AK9: variants seen among roughly 807,000 people sequenced by gnomAD.
AK9 encodes adenylate kinase 9, also known as adenylate kinase domain containing 1.
In AK9, 191 loss-of-function variants were observed where a neutral mutation model predicts 239.6. The ratio of observed to expected loss-of-function variants is 0.80; its 90% confidence interval spans 0.71 to 0.90. The LOEUF is 0.90. Ranked by LOEUF, AK9 falls within the 40% of genes least tolerant of loss-of-function variation. The pLI is 0.00. For synonymous variants in AK9, 689 were observed against 721.0 expected, an observed-to-expected ratio of 0.96 and a Z score of 0.71; for missense variants, 1,995 against 2,214.7, an observed-to-expected ratio of 0.90 and a Z score of 1.99.
chr6:109,632,573 T>C (rs1562521399), intron 12 of AK9: 3 of 276,106 alleles, frequency 1.1e-5, no homozygotes, highest in Admixed American at 5.4e-5. Flanking sequence ...AGTGATTATA[T>C]GGGGAGAGTG....
chr6:109,662,764 T>C, intron 5 of AK9, 101 bp from the exon 6 acceptor site: 2 of 468,042 alleles, frequency 4.3e-6, no homozygotes, highest in Non-Finnish European at 6.1e-6. Flanking sequence ...TATTACTTTA[T>C]ACTCATCTAT....
intron 17 of AK9, among the ~76,000 whole-genome samples, chr6:109,597,830 G>T (rs1213004008): frequency 6.6e-6 from 1 of 151,684 alleles, no homozygotes; most frequent in East Asian, 1.9e-4. Context: ...GAAAGGAAAG[G>T]AAAGAAAAAA....
intron 21 of AK9, among the ~76,000 whole-genome samples, chr6:109,569,683 T>C (rs1352982006): frequency 6.6e-6 from 1 of 152,192 alleles, no homozygotes; most frequent in Non-Finnish European, 1.5e-5. Flanking sequence ...GAAAAAATGC[T>C]CATTATTACT....
intron 19 of AK9, 100 bp from the exon 20 acceptor site, chr6:109,579,726 CTTA>C (rs920928720): frequency 1.5e-5 from 14 of 955,096 alleles, no homozygotes; most frequent in Middle Eastern, 2.6e-4. Context: ...AAGATTAAAT[CTTA>C]TTATACTTAC....
Position 109,619,841 on chromosome 6 carries a change from C to A in AK9, c.1255-605G>T, listed in dbSNP as rs544556531. Among the ~76,000 whole-genome samples the A allele has an allele frequency of 2.2e-4, 34 of 152,176 alleles. No individual in the cohort carries two copies. In the East Asian group the frequency reaches 5.6e-3, roughly 25 times the overall value. On this transcript the variant is annotated intron_variant, in intron 12 of 40. Transcript: ENST00000424296. ...CCTTCCCCAGCTTTCATTCCTGGCC[C>A]CTGGCAACTACTTTCTTTCTGTAGC...
At chr6:109,678,321 G>T (rs1222386431) in intron 1 of AK9, among the ~76,000 whole-genome samples, 3 of 152,082 alleles carry the variant, frequency 2.0e-5, no homozygotes, top group Non-Finnish European at 4.4e-5. Context: ...CAATCCCACA[G>T]TTTACATATT....
chr6:109,566,097 C>T (rs575974371), intron 21 of AK9, among the ~76,000 whole-genome samples: 1 of 151,812 alleles, frequency 6.6e-6, no homozygotes, highest in African/African-American at 2.4e-5. Flanking sequence ...AAGATCTAGC[C>T]TCAGTCTAGA....
intron 32 of AK9, 83 bp from the exon 33 acceptor site, chr6:109,509,463 G>A (rs1778462059): frequency 1.6e-6 from 2 of 1,216,442 alleles, no homozygotes; most frequent in Non-Finnish European, 2.3e-6. Context: ...TGGGTATATT[G>A]TGTGATGCTC....
chr6:109,601,336 C>T (rs1481324276), intron 17 of AK9, among the ~76,000 whole-genome samples: 1 of 152,044 alleles, frequency 6.6e-6, no homozygotes, highest in Non-Finnish European at 1.5e-5. Flanking sequence ...CGTTATGTAC[C>T]CAGTAGTCAT....
chr6:109,537,621 C>G (rs867372750), intron 27 of AK9, among the ~76,000 whole-genome samples: 2 of 150,204 alleles, frequency 1.3e-5, no homozygotes, highest in Admixed American at 1.3e-4. Flanking sequence ...CTGACCTGAT[C>G]TTAGTTATTT....
intron 27 of AK9, among the ~76,000 whole-genome samples, chr6:109,537,718 G>A (rs1273895516): frequency 6.6e-6 from 1 of 151,688 alleles, no homozygotes; most frequent in African/African-American, 2.4e-5. Context: ...TTTAGATCTT[G>A]CCTGCTTTCT....
intron 17 of AK9, among the ~76,000 whole-genome samples, chr6:109,595,312 T>A (rs1371352886): frequency 6.6e-6 from 1 of 152,136 alleles, no homozygotes; most frequent in African/African-American, 2.4e-5. Context: ...TAAGATACCA[T>A]CTCACGCCAG....
intron 8 of AK9, among the ~76,000 whole-genome samples, chr6:109,649,716 C>T (rs922340236): frequency 2.6e-5 from 4 of 152,124 alleles, no homozygotes; most frequent in African/African-American, 9.7e-5. Flanking sequence ...ACTTTCTTCA[C>T]AGAATTGGAA....
chr6:109,520,748 T>C (rs1779776020), intron 29 of AK9, among the ~76,000 whole-genome samples: 3 of 152,196 alleles, frequency 2.0e-5, no homozygotes, highest in Admixed American at 2.0e-4. Flanking sequence ...TATGAAATGT[T>C]TTTTCATTTG....
chr6:109,562,842 A>G (rs764940099), intron 24 of AK9, among the ~76,000 whole-genome samples: 4 of 152,124 alleles, frequency 2.6e-5, no homozygotes, highest in Non-Finnish European at 5.9e-5. Flanking sequence ...GATACCAGAG[A>G]CCATTTTATG....
At chr6:109,611,898 C>T in intron 16 of AK9, 112 bp downstream of exon 16, 5 of 755,190 alleles carry the variant, frequency 6.6e-6, no homozygotes, top group South Asian at 1.7e-5. Context: ...ATTAATCATG[C>T]TTTTATTTTT....
intron 17 of AK9, among the ~76,000 whole-genome samples, chr6:109,598,014 T>A (rs1180717874): frequency 4.6e-5 from 7 of 152,140 alleles, no homozygotes; most frequent in African/African-American, 7.2e-5. Context: ...ATGTTATATT[T>A]ATTATAAATA....
intron 1 of AK9, among the ~76,000 whole-genome samples, chr6:109,683,231 T>G (rs951266852): frequency 5.3e-5 from 8 of 152,124 alleles, no homozygotes; most frequent in African/African-American, 1.9e-4. Context: ...ATAAACTAGG[T>G]ATCAATGGAA....
chr6:109,635,645 C>A (rs897962036), intron 10 of AK9, among the ~76,000 whole-genome samples: 1 of 152,184 alleles, frequency 6.6e-6, no homozygotes, highest in African/African-American at 2.4e-5. Flanking sequence ...CTACTCCTAC[C>A]CATCCTCTTG....
Sources: allele counts gnomAD v4.1 joint callset (sites outside exome capture counted in the v4.1 genomes callset), GRCh38; gene constraint gnomAD v4.1.1; transcripts MANE v1.5; gene names NCBI Gene and HGNC (gene_info 2026-07-23, HGNC 2026-07-21).